PRKN: variants seen among roughly 807,000 people sequenced by gnomAD.
PRKN encodes E3 ubiquitin-protein ligase parkin.
PRKN carries 56 observed loss-of-function variants against 59.5 expected under a neutral mutation model. The observed-to-expected ratio is 0.94, with a 90% confidence interval of 0.76 to 1.18. PRKN has a LOEUF of 1.18. Ranked by LOEUF, PRKN falls within the 50% of genes most tolerant of loss-of-function variation. The probability of loss-of-function intolerance (pLI) is 0.00; values close to 1 mark genes in which losing one functional copy is unlikely to be tolerated. For synonymous variants in PRKN, 250 were observed against 222.1 expected, an observed-to-expected ratio of 1.13 and a Z score of -1.12; for missense variants, 657 against 596.4, an observed-to-expected ratio of 1.10 and a Z score of -1.06.
rs142185976 is a variant in PRKN at position 161,626,937 on chromosome 6, A to G, written c.872-57521T>C. ...AAGGCCAGGTTCTGGGGCCTAAGTAAACTCACTTATCTAGATCAGTTTCTT... is the reference window on the plus strand; with the variant it reads ...AAGGCCAGGTTCTGGGGCCTAAGTAGACTCACTTATCTAGATCAGTTTCTT... On this transcript the variant is annotated intron_variant, in intron 7 of 11. Transcript: ENST00000366898. 6.8e-4 allele frequency among the ~76,000 whole-genome samples: 104 copies of G among 152,274 alleles called. 1 individual carries two copies. The highest frequency in any genetic ancestry group is 1.1e-3 in the Non-Finnish European group (77 of 68,024).
rs1239455388 is a variant in PRKN at position 161,428,923 on chromosome 6, T to G, written c.1084-42046A>C. On this transcript the variant is annotated intron_variant, in intron 9 of 11. Transcript: ENST00000366898. This position sits in a 1 kb window ranked among gnomAD's most constrained non-coding sequence, Gnocchi z 4.0. ...CTAGGGGTCCCTGGTTTCTCCCACC[T>G]TCTTCCTGATGGCCAGGCATACATT... is the stretch of plus-strand genomic sequence containing the variant. Among the ~76,000 whole-genome samples the G allele has an allele frequency of 2.0e-5, 3 of 152,184 alleles. No individual in the cohort carries two copies. Among genetic ancestry groups the G allele is most frequent in the African/African-American group, 7.2e-5 (3 of 41,440 alleles).
intron 3 of PRKN, among the ~76,000 whole-genome samples, chr6:162,238,915 C>T (rs1380397100): frequency 1.3e-5 from 2 of 152,116 alleles, no homozygotes; most frequent in Admixed American, 6.6e-5. Context: ...CTCCTCTGGT[C>T]GTGGCTGTGC....
chr6:162,404,569 GGTTT>G (rs143802159), intron 2 of PRKN, among the ~76,000 whole-genome samples: 5,057 of 151,820 alleles, frequency 0.033, 275 homozygotes, highest in African/African-American at 0.11. Flanking sequence ...ATGGGTTTTT[GGTTT>G]GTTTGTTTCA....
intron 9 of PRKN, among the ~76,000 whole-genome samples, chr6:161,500,438 A>G (rs1244356244): frequency 6.6e-6 from 1 of 152,078 alleles, no homozygotes; most frequent in Non-Finnish European, 1.5e-5. Context: ...GGTCCTGAAA[A>G]CCCTCAGTGC....
chr6:161,785,606 G>C (rs189867683), intron 7 of PRKN, among the ~76,000 whole-genome samples, 166 bp downstream of exon 7: 1 of 152,216 alleles, frequency 6.6e-6, no homozygotes, highest in East Asian at 1.9e-4. Context: ...TCATTCCCCA[G>C]AACTTTTATC....
In PRKN at chr6:161,743,701, G is replaced by A. The variant is rs372691334; in HGVS notation, c.871+42071C>T. On this transcript the variant is annotated intron_variant, in intron 7 of 11. Transcript: ENST00000366898. ...CACTGCCGGGCACACCGTGAGCCCC[G>A]AGGAAGGCCTCACTCTGATAACTTA... Among the ~76,000 whole-genome samples the A allele has an allele frequency of 1.0e-3, 153 of 152,184 alleles. 2 individuals are homozygous for A. The South Asian group carries it at 0.01, about 10-fold the overall frequency.
chr6:161,634,307 G>C (rs1419918692), intron 7 of PRKN, among the ~76,000 whole-genome samples: 1 of 152,210 alleles, frequency 6.6e-6, no homozygotes, highest in Admixed American at 6.5e-5. Flanking sequence ...GCCTGTAGCA[G>C]GGCAGCGGGA....
intron 1 of PRKN, among the ~76,000 whole-genome samples, chr6:162,644,918 T>G (rs964946227): frequency 6.6e-6 from 1 of 152,194 alleles, no homozygotes; most frequent in African/African-American, 2.4e-5. Flanking sequence ...GTCAAGTTAT[T>G]TTCATGATTA....
At chr6:162,491,941 G>A (rs371695068) in intron 1 of PRKN, among the ~76,000 whole-genome samples, 1 of 152,338 alleles carries the variant, frequency 6.6e-6, no homozygotes, top group East Asian at 1.9e-4. Flanking sequence ...ACAGTTTGCT[G>A]TGATACCTGG....
At chr6:162,111,282 A>G (rs146341623) in intron 4 of PRKN, among the ~76,000 whole-genome samples, 2,626 of 152,094 alleles carry the variant, frequency 0.017, 45 homozygotes, top group Non-Finnish European at 0.028. Context: ...CGGCTAACAC[A>G]GTGAAACCCC....
At chr6:161,605,769 C>G (rs986972534) in intron 7 of PRKN, among the ~76,000 whole-genome samples, 55 of 152,078 alleles carry the variant, frequency 3.6e-4, no homozygotes, top group Non-Finnish European at 1.0e-4. Context: ...CTCGGCCTCC[C>G]GAAGTGCTGG....
intron 2 of PRKN, among the ~76,000 whole-genome samples, chr6:162,428,197 G>A (rs1264117854): frequency 1.3e-5 from 2 of 152,160 alleles, no homozygotes. Flanking sequence ...ACTTGCAAAA[G>A]AACAAGCATG....
intron 6 of PRKN, among the ~76,000 whole-genome samples, chr6:161,882,602 C>T (rs1294163562): frequency 6.6e-6 from 1 of 150,946 alleles, no homozygotes; most frequent in African/African-American, 2.4e-5. Context: ...GTTTCACTTA[C>T]TGTGGGAGAG....
At chr6:162,524,599 T>C (rs1284959971) in intron 1 of PRKN, among the ~76,000 whole-genome samples, 2 of 152,320 alleles carry the variant, frequency 1.3e-5, no homozygotes, top group Admixed American at 6.5e-5. Flanking sequence ...TTTATGTGAA[T>C]TCTTTACAAA....
chr6:161,355,688 G>A lies in PRKN; in HGVS notation c.1285+4400C>T, dbSNP rs966372860. On this transcript the variant is annotated intron_variant, in intron 11 of 11. Transcript: ENST00000366898. This position sits in a 1 kb window ranked among gnomAD's most constrained non-coding sequence, Gnocchi z 6.8. ...CCCAAAGTGCTGGGATTACAGGCGTGAGTCACCACGCCCGGCCTACAAGCT... is the reference window on the plus strand; with the variant it reads ...CCCAAAGTGCTGGGATTACAGGCGTAAGTCACCACGCCCGGCCTACAAGCT... Among the ~76,000 whole-genome samples, 1 of 152,016 alleles carries A rather than the reference G, an allele frequency of 6.6e-6. No homozygotes were observed. Among genetic ancestry groups the A allele is most frequent in the Non-Finnish European group, 1.5e-5 (1 of 67,922 alleles).
At chr6:162,218,528 T>C (rs957439792) in intron 3 of PRKN, among the ~76,000 whole-genome samples, 14 of 152,160 alleles carry the variant, frequency 9.2e-5, no homozygotes, top group Non-Finnish European at 1.3e-4. Flanking sequence ...GGGTTGGGGA[T>C]TGGACATGAG....
intron 2 of PRKN, among the ~76,000 whole-genome samples, chr6:162,268,086 T>G (rs1245856812): frequency 6.6e-6 from 1 of 152,184 alleles, no homozygotes; most frequent in African/African-American, 2.4e-5. Flanking sequence ...AAAAAACATA[T>G]AGAATATACT....
At chr6:161,534,631 G>A (rs1227239854) in intron 9 of PRKN, among the ~76,000 whole-genome samples, 1 of 152,218 alleles carries the variant, frequency 6.6e-6, no homozygotes, top group Non-Finnish European at 1.5e-5. Context: ...ATGCGGCTAT[G>A]CTGTTTCGCA....
At chr6:161,919,636 C>G (rs1303576060) in intron 6 of PRKN, among the ~76,000 whole-genome samples, 2 of 152,184 alleles carry the variant, frequency 1.3e-5, no homozygotes, top group Admixed American at 6.5e-5. Context: ...GAAGTCTTAG[C>G]AAGTGCTGGA....
Sources: gnomAD v4.1 joint callset for allele counts (sites outside exome capture counted in the v4.1 genomes callset) on GRCh38, gnomAD v4.1.1 for gene constraint, Gnocchi (gnomAD v3.1) non-coding constraint, MANE v1.5 for transcripts, NCBI Gene and HGNC (gene_info 2026-07-23, HGNC 2026-07-21) for gene names.